DOCK4: variants seen among roughly 807,000 people sequenced by gnomAD.
The protein encoded by DOCK4 is dedicator of cytokinesis protein 4.
In DOCK4, 97 loss-of-function variants were observed where a neutral mutation model predicts 268.1. The ratio of observed to expected loss-of-function variants is 0.36; its 90% CI spans 0.31 to 0.43. The LOEUF (loss-of-function observed/expected upper bound fraction) is 0.43, where lower values mean the gene tolerates loss of function less well. Ranked by LOEUF, DOCK4 falls within the 20% of genes least tolerant of loss-of-function variation. The pLI is 1.00. For synonymous variants in DOCK4, 954 were observed against 887.2 expected (o/e 1.08, Z -1.34); for missense variants, 2,145 against 2,455.7 (o/e 0.87, Z 2.67).
intron 23 of DOCK4, among the ~76,000 whole-genome samples, chr7:111,849,906 T>C (rs1024203217): frequency 6.6e-6 from 1 of 152,122 alleles, no homozygotes; most frequent in East Asian, 1.9e-4. Context: ...TCTTCTGAGG[T>C]TCTGTGGAAT....
chr7:111,945,386 A>G (rs1795537737), intron 9 of DOCK4, among the ~76,000 whole-genome samples: 1 of 152,136 alleles, frequency 6.6e-6, no homozygotes, highest in Admixed American at 6.5e-5. Context: ...GGGTTTCACC[A>G]TGTTGGCCAG....
At chr7:111,757,780 C>A (rs2133569065) in intron 41 of DOCK4, among the ~76,000 whole-genome samples, 1 of 152,316 alleles carries the variant, frequency 6.6e-6, no homozygotes. Flanking sequence ...GTGTTAGGAG[C>A]ACATTTCCTA....
At chr7:111,969,335 G>A (rs1018979798) in intron 8 of DOCK4, among the ~76,000 whole-genome samples, 30 of 148,116 alleles carry the variant, frequency 2.0e-4, no homozygotes, top group African/African-American at 7.3e-4. Context: ...TACATTTTCT[G>A]TTGTGGCTTC....
rs1195362571 is a variant in DOCK4 at position 111,800,284 on chromosome 7, G to A, written c.3166+8537C>T. Among the ~76,000 whole-genome samples the A allele has an allele frequency of 2.7e-5, 4 of 150,236 alleles. No individual in the cohort carries two copies. The East Asian group carries it at 7.8e-4, about 29-fold the overall frequency. ...TTTGAAGGAAAGATGTTTAGAACAA[G>A]TCAGAAAGTTTAAGTATGTTGTAGT... On this transcript the variant is annotated intron_variant, in intron 30 of 52. Transcript: ENST00000428084.
chr7:111,798,042 G>A (rs1485674851), intron 30 of DOCK4, among the ~76,000 whole-genome samples: 1 of 152,208 alleles, frequency 6.6e-6, no homozygotes, highest in African/African-American at 2.4e-5. Flanking sequence ...GAAGGACAAA[G>A]GCTCTAGCAG....
chr7:111,843,288 C>A (rs1306745244), intron 25 of DOCK4, among the ~76,000 whole-genome samples: 1 of 152,100 alleles, frequency 6.6e-6, no homozygotes, highest in Non-Finnish European at 1.5e-5. Flanking sequence ...CTCTGCAAAG[C>A]TTGTTAAGAG....
At chr7:112,099,820 T>C (rs1810512592) in intron 1 of DOCK4, among the ~76,000 whole-genome samples, 1 of 152,214 alleles carries the variant, frequency 6.6e-6, no homozygotes, top group South Asian at 2.1e-4. Context: ...TTTGATGGTA[T>C]TTGAAGCCAT....
chr7:111,901,620 T>G, intron 14 of DOCK4, 57 bp downstream of exon 14: 1 of 1,540,962 alleles, frequency 6.5e-7, no homozygotes, highest in Non-Finnish European at 8.8e-7. Context: ...CATTAAAGAT[T>G]AAGTGAAAGC....
At chr7:112,205,907 G>A (rs908462118) in intron 1 of DOCK4, among the ~76,000 whole-genome samples, 195 bp downstream of exon 1, 1 of 152,138 alleles carries the variant, frequency 6.6e-6, no homozygotes, top group Admixed American at 6.5e-5. Context: ...GGCGCGCCGA[G>A]CAGGCGGTGC....
intron 6 of DOCK4, among the ~76,000 whole-genome samples, chr7:111,988,020 C>A (rs1358282128): frequency 6.6e-6 from 1 of 152,174 alleles, no homozygotes; most frequent in Non-Finnish European, 1.5e-5. Context: ...AGAATCAAAC[C>A]TGGCTTCTGA....
chr7:112,123,951 C>T (rs889721422), intron 1 of DOCK4, among the ~76,000 whole-genome samples: 2 of 152,054 alleles, frequency 1.3e-5, no homozygotes, highest in African/African-American at 4.8e-5. Context: ...TGCCCTGGCA[C>T]GAGCTATTAA....
intron 8 of DOCK4, among the ~76,000 whole-genome samples, chr7:111,973,551 T>A (rs1308158171): frequency 6.6e-6 from 1 of 152,182 alleles, no homozygotes; most frequent in African/African-American, 2.4e-5. Flanking sequence ...TATTTGGATC[T>A]CAATTTGAAC....
chr7:112,020,352 A>G (rs1307405358), intron 1 of DOCK4, among the ~76,000 whole-genome samples: 1 of 152,170 alleles, frequency 6.6e-6, no homozygotes, highest in Non-Finnish European at 1.5e-5. Context: ...CCAGGTAAAA[A>G]AGTTCACCTT....
chr7:111,999,043 C>G (rs1188972967), intron 3 of DOCK4, among the ~76,000 whole-genome samples: 3 of 151,968 alleles, frequency 2.0e-5, no homozygotes, highest in East Asian at 1.9e-4. Context: ...TCTGATGGAA[C>G]AGAAATCAAA....
At chr7:111,751,429 T>G (rs556476980) in intron 42 of DOCK4, among the ~76,000 whole-genome samples, 2 of 152,164 alleles carry the variant, frequency 1.3e-5, no homozygotes, top group African/African-American at 4.8e-5. Flanking sequence ...ATTCGAATAA[T>G]AGAGTAAAAA....
chr7:112,057,705 T>G (rs1805960788), intron 1 of DOCK4, among the ~76,000 whole-genome samples: 1 of 151,772 alleles, frequency 6.6e-6, no homozygotes, highest in Non-Finnish European at 1.5e-5. Flanking sequence ...AACCCAGGAG[T>G]TCAAGGCTGC....
intron 16 of DOCK4, among the ~76,000 whole-genome samples, chr7:111,893,634 G>A (rs543317309): frequency 2.0e-4 from 30 of 152,164 alleles, no homozygotes; most frequent in African/African-American, 3.9e-4. Flanking sequence ...GATCATCCCC[G>A]CAGTCTAGTA....
At chr7:111,847,485 T>TC (rs887964582) in intron 23 of DOCK4, among the ~76,000 whole-genome samples, 4 of 150,544 alleles carry the variant, frequency 2.7e-5, no homozygotes, top group South Asian at 2.1e-4. Flanking sequence ...TTTTTTTTTT[T>TC]CCCCCTTGAT....
At chr7:111,864,103 A>C (rs1304651182) in intron 22 of DOCK4, among the ~76,000 whole-genome samples, 1 of 152,182 alleles carries the variant, frequency 6.6e-6, no homozygotes, top group Non-Finnish European at 1.5e-5. Context: ...AAGTTATTTG[A>C]GCACCCTTTA....
Sources: allele counts gnomAD v4.1 joint callset (sites outside exome capture counted in the v4.1 genomes callset), GRCh38; gene constraint gnomAD v4.1.1; transcripts MANE v1.5; gene names NCBI Gene and HGNC (gene_info 2026-07-23, HGNC 2026-07-21).